Variants in ASIC2 observed in about 807,000 individuals in gnomAD.
The protein encoded by ASIC2 is acid sensing ion channel subunit 2, also known as acid-sensing ion channel 2.
In ASIC2, 25 loss-of-function variants were observed where a neutral mutation model predicts 57.3. The observed-to-expected ratio is 0.44, with a 90% confidence interval of 0.32 to 0.61. The LOEUF is 0.61. Among genes scored for constraint, ASIC2 ranks in the 20% least tolerant of loss-of-function variants. The pLI, the probability that ASIC2 is intolerant of heterozygous loss-of-function variation, is 0.06. For synonymous variants in ASIC2, 319 were observed against 307.5 expected (o/e 1.04, Z -0.39); for missense variants, 641 against 738.1 (o/e 0.87, Z 1.52).
chr17:33,418,178 C>T (rs1407422665), intron 1 of ASIC2, among the ~76,000 whole-genome samples: 1 of 151,848 alleles, frequency 6.6e-6, no homozygotes, highest in Non-Finnish European at 1.5e-5. Flanking sequence ...GAATAACTTC[C>T]TAGTTTGAAA....
chr17:33,434,022 C>G (rs577868404), intron 1 of ASIC2, among the ~76,000 whole-genome samples: 2 of 151,924 alleles, frequency 1.3e-5, no homozygotes, highest in Non-Finnish European at 2.9e-5. Context: ...GTAAGCCGGA[C>G]AGGGTGGTAA....
At chr17:33,387,238 T>C (rs569177920) in intron 1 of ASIC2, among the ~76,000 whole-genome samples, 14 of 152,312 alleles carry the variant, frequency 9.2e-5, no homozygotes, top group African/African-American at 3.4e-4. Flanking sequence ...AGACAACAAG[T>C]ACTCTTCTAT....
At chr17:33,215,860 T>C (rs1467609593) in intron 1 of ASIC2, among the ~76,000 whole-genome samples, 1 of 152,112 alleles carries the variant, frequency 6.6e-6, no homozygotes, top group African/African-American at 2.4e-5. Flanking sequence ...CCACCTCGCC[T>C]GGCTAATTTT....
upstream of ASIC2, among the ~76,000 whole-genome samples, chr17:33,296,308 G>C (rs9915774): frequency 6.6e-6 from 1 of 151,968 alleles, no homozygotes; most frequent in Non-Finnish European, 1.5e-5. Context: ...CCAGTCAGGA[G>C]AGCAGGCTTT....
upstream of ASIC2, among the ~76,000 whole-genome samples, chr17:33,295,762 T>C (rs1905696952): frequency 6.6e-6 from 1 of 152,230 alleles, no homozygotes; most frequent in Admixed American, 6.5e-5. Flanking sequence ...GAACAACTAC[T>C]ATACGCCAGG....
chr17:33,139,550 G>C (rs2092379170), intron 1 of ASIC2, among the ~76,000 whole-genome samples: 1 of 152,130 alleles, frequency 6.6e-6, no homozygotes, highest in Non-Finnish European at 1.5e-5. Flanking sequence ...TGACCACCTT[G>C]GCCAGGCCCC....
intron 1 of ASIC2, among the ~76,000 whole-genome samples, chr17:34,064,071 C>T (rs1158288940): frequency 1.3e-5 from 2 of 152,088 alleles, no homozygotes; most frequent in Non-Finnish European, 2.9e-5. Context: ...CTAGCCAAAG[C>T]AAGACTAAGC....
At chr17:33,977,563 G>A (rs1431593868) in intron 1 of ASIC2, among the ~76,000 whole-genome samples, 2 of 152,184 alleles carry the variant, frequency 1.3e-5, no homozygotes, top group African/African-American at 2.4e-5. Context: ...GCCAGGCCTT[G>A]TGCTTGTTTG....
chr17:33,251,520 G>GTCTTGCTATGTGGACTAGGC (rs1908881441), intron 1 of ASIC2, among the ~76,000 whole-genome samples: 1 of 152,056 alleles, frequency 6.6e-6, no homozygotes, highest in Non-Finnish European at 1.5e-5. Context: ...TGGAAACAGG[G>GTCTTGCTATGTGGACTAGGC]TCTTGCTATG....
intron 1 of ASIC2, among the ~76,000 whole-genome samples, chr17:33,809,002 A>T (rs2142152058): frequency 6.6e-6 from 1 of 152,346 alleles, no homozygotes; most frequent in African/African-American, 2.4e-5. Flanking sequence ...CTGGCACCTC[A>T]GTCATCCTCT....
intron 1 of ASIC2, among the ~76,000 whole-genome samples, chr17:33,156,714 A>G (rs1905015042): frequency 6.6e-6 from 1 of 151,950 alleles, no homozygotes; most frequent in Admixed American, 6.5e-5. Flanking sequence ...CGAGATTGTG[A>G]CACTGCACTC....
chr17:34,045,040 T>A (rs1463169013), intron 1 of ASIC2, among the ~76,000 whole-genome samples: 2 of 152,158 alleles, frequency 1.3e-5, no homozygotes, highest in Non-Finnish European at 2.9e-5. Context: ...TGGTGAGTCC[T>A]TCCATAGAGG....
Position 33,896,610 on chromosome 17 carries a change from G to A in ASIC2, c.555+259368C>T, listed in dbSNP as rs540106639. 1.2e-4 allele frequency among the ~76,000 whole-genome samples: 18 copies of A among 152,298 alleles called. No homozygotes were observed. The South Asian group carries it at 3.1e-3, about 26-fold the overall frequency. On this transcript the variant is annotated intron_variant, in intron 1 of 9. Transcript: ENST00000359872. ...TTAGCCCAATGGCCTGGCTCCTATC[G>A]GGGGCTGTCTGTAGCTTTGTAAGTT...
chr17:33,294,119 G>A (rs1032890772), upstream of ASIC2, among the ~76,000 whole-genome samples: 6 of 152,160 alleles, frequency 3.9e-5, no homozygotes, highest in Non-Finnish European at 7.4e-5. Context: ...TGGGAAGGGG[G>A]AGTAGGACTT....
At chr17:33,714,349 A>G (rs1205365395) in intron 1 of ASIC2, among the ~76,000 whole-genome samples, 1 of 152,220 alleles carries the variant, frequency 6.6e-6, no homozygotes, top group African/African-American at 2.4e-5. Flanking sequence ...TTTGGAAGCA[A>G]CACAAATATC....
At chr17:34,096,581 G>T (rs1453794922) in intron 1 of ASIC2, among the ~76,000 whole-genome samples, 1 of 152,148 alleles carries the variant, frequency 6.6e-6, no homozygotes, top group African/African-American at 2.4e-5. Flanking sequence ...GGCAGGATTG[G>T]CCGGGCATGG....
At chr17:33,803,131 G>A (rs1255542539) in intron 1 of ASIC2, among the ~76,000 whole-genome samples, 3 of 152,192 alleles carry the variant, frequency 2.0e-5, no homozygotes, top group Admixed American at 1.3e-4. Flanking sequence ...GGGGTTAAGT[G>A]TGGAACTCTG....
intron 1 of ASIC2, among the ~76,000 whole-genome samples, chr17:34,151,778 AG>A (rs1282905211): frequency 6.6e-6 from 1 of 152,184 alleles, no homozygotes; most frequent in Non-Finnish European, 1.5e-5. Context: ...CACTAAGCAA[AG>A]CAAGAGGCCT....
At chr17:33,068,019 G>C (rs1007131329) in intron 3 of ASIC2, among the ~76,000 whole-genome samples, 1 of 152,166 alleles carries the variant, frequency 6.6e-6, no homozygotes, top group Non-Finnish European at 1.5e-5. Flanking sequence ...CTCTGACCTG[G>C]GAGAGCCAGT....
Sources: allele counts gnomAD v4.1 joint callset (sites outside exome capture counted in the v4.1 genomes callset), GRCh38; gene constraint gnomAD v4.1.1; transcripts MANE v1.5; gene names NCBI Gene and HGNC (gene_info 2026-07-23, HGNC 2026-07-21).